DISC1: variants seen among roughly 807,000 people sequenced by gnomAD.
DISC1 encodes the protein disrupted in schizophrenia 1 protein.
DISC1 carries 57 observed loss-of-function variants against 84.5 expected under a neutral mutation model. The ratio of observed to expected loss-of-function variants is 0.67; its 90% CI spans 0.55 to 0.84. DISC1 has a LOEUF of 0.84. DISC1 is among the 40% of genes least tolerant of loss of function. The pLI is 0.00. For missense variants in DISC1, 1,000 were observed against 1,057.8 expected (o/e 0.95, Z 0.76); for synonymous variants, 411 against 415.2 (o/e 0.99, Z 0.12).
chr1:231,845,898 A>C (rs890914257), intron 9 of DISC1, among the ~76,000 whole-genome samples: 18 of 152,060 alleles, frequency 1.2e-4, no homozygotes, highest in Non-Finnish European at 7.4e-5. Context: ...TGGTGAGACC[A>C]AGGACCCAGA....
intron 5 of DISC1, among the ~76,000 whole-genome samples, chr1:231,768,061 C>G (rs954299114): frequency 6.6e-6 from 1 of 152,102 alleles, no homozygotes; most frequent in Non-Finnish European, 1.5e-5. Context: ...TGCAAGTTGG[C>G]TAAGAATCAT....
intron 1 of DISC1, among the ~76,000 whole-genome samples, chr1:231,653,834 A>C (rs1329304234): frequency 7.9e-5 from 12 of 152,138 alleles, no homozygotes; most frequent in African/African-American, 2.9e-4. Context: ...ACTAGAAGAG[A>C]ATAAAGTTAT....
chr1:231,714,457 T>C (rs1285430101), intron 3 of DISC1, among the ~76,000 whole-genome samples: 1 of 152,172 alleles, frequency 6.6e-6, no homozygotes, highest in Non-Finnish European at 1.5e-5. Context: ...AACTGTGCAA[T>C]GATTATGGAT....
At chr1:231,651,285 C>A (rs938668740) in intron 1 of DISC1, among the ~76,000 whole-genome samples, 1 of 152,172 alleles carries the variant, frequency 6.6e-6, no homozygotes, top group African/African-American at 2.4e-5. Flanking sequence ...TGATGCTATT[C>A]CTTTCTGTTT....
intron 9 of DISC1, among the ~76,000 whole-genome samples, chr1:231,904,662 C>T (rs2088487800): frequency 1.3e-5 from 2 of 152,138 alleles, no homozygotes; most frequent in Non-Finnish European, 2.9e-5. Flanking sequence ...AATGACATCC[C>T]AAGAACAATG....
chr1:231,934,203 C>A (rs1429346579), intron 9 of DISC1, among the ~76,000 whole-genome samples: 2 of 152,180 alleles, frequency 1.3e-5, no homozygotes, highest in East Asian at 3.8e-4. Context: ...GTTAGACACA[C>A]CCTTTGCTTC....
chr1:231,899,083 C>T (rs199986999), intron 9 of DISC1, among the ~76,000 whole-genome samples: 19 of 151,896 alleles, frequency 1.3e-4, no homozygotes, highest in Non-Finnish European at 2.2e-4. Context: ...ACACTGACTA[C>T]TCAGTGTGGA....
chr1:231,757,707 A>G (rs1168068112), intron 4 of DISC1, among the ~76,000 whole-genome samples: 1 of 152,156 alleles, frequency 6.6e-6, no homozygotes, highest in African/African-American at 2.4e-5. Context: ...AAGTTCATGT[A>G]TCTTTGCCAC....
chr1:231,875,196 A>C (rs2085785894), intron 9 of DISC1, among the ~76,000 whole-genome samples: 1 of 152,172 alleles, frequency 6.6e-6, no homozygotes, highest in African/African-American at 2.4e-5. Flanking sequence ...TAATGTTTGG[A>C]GTAGATGATC....
At position 232,026,762 on chromosome 1, in the gene DISC1, C is replaced by CTT. The variant is rs545455868; in HGVS notation, c.2425+231_2425+232dup. Reference sequence around the variant, plus strand: ...CAATTCAGTATTTTTTTTCTTTTTTCTTTTTTTTTTTTTTTTTTTTTTGAT... The same window carrying CTT: ...CAATTCAGTATTTTTTTTCTTTTTTCTTTTTTTTTTTTTTTTTTTTTTTTGAT... On this transcript the variant is annotated intron_variant, in intron 12 of 12. Coordinates refer to ENST00000439617, the MANE Select transcript of DISC1 (RefSeq NM_018662.3). Among the ~76,000 whole-genome samples the CTT allele has an allele frequency of 1.5e-3, 161 of 110,828 alleles. 2 individuals carry two copies. Among genetic ancestry groups the CTT allele is most frequent in the Non-Finnish European group, 2.1e-3 (117 of 55,508 alleles). 72.7% of individuals were successfully genotyped at this position (110,828 alleles called of 152,430 possible). A position where few individuals can be genotyped will look rare whatever the true frequency, so the allele number is the denominator to read the frequency against.
At chr1:231,907,107 T>TCCCTCCCTTCCTTCCCTCC (rs2088765510) in intron 9 of DISC1, among the ~76,000 whole-genome samples, 5 of 31,306 alleles carry the variant, frequency 1.6e-4, no homozygotes, top group African/African-American at 6.8e-4. Flanking sequence ...TCCTTCCTTC[T>TCCCTCCCTTCCTTCCCTCC]CTCCTTCCTT....
intron 9 of DISC1, among the ~76,000 whole-genome samples, chr1:231,911,752 A>G (rs1021938598): frequency 6.6e-6 from 1 of 152,162 alleles, no homozygotes; most frequent in African/African-American, 2.4e-5. Context: ...TCTCCTGGAT[A>G]ATATCCTGCA....
At chr1:231,837,924 A>G (rs2082737482) in intron 9 of DISC1, among the ~76,000 whole-genome samples, 2 of 152,212 alleles carry the variant, frequency 1.3e-5, no homozygotes, top group African/African-American at 4.8e-5. Flanking sequence ...ACTTCTTTGT[A>G]TGAATGCCCT....
chr1:231,904,586 T>A (rs2088478018), intron 9 of DISC1, among the ~76,000 whole-genome samples: 1 of 152,182 alleles, frequency 6.6e-6, no homozygotes. Context: ...ATCAAGGCAG[T>A]GTGTATATGT....
chr1:231,867,923 A>G (rs1332666021), intron 9 of DISC1, among the ~76,000 whole-genome samples: 3 of 152,228 alleles, frequency 2.0e-5, no homozygotes, highest in South Asian at 2.1e-4. Flanking sequence ...AAACCTGGCT[A>G]TTCGCAAGGG....
chr1:231,950,204 C>CTGTG (rs59801477), intron 9 of DISC1, among the ~76,000 whole-genome samples: 12,431 of 139,378 alleles, frequency 0.089, 764 homozygotes, highest in African/African-American at 0.18. Context: ...AAAAAAAATT[C>CTGTG]TGTGTGTGTG....
intron 9 of DISC1, among the ~76,000 whole-genome samples, chr1:231,941,620 A>G (rs78717202): frequency 1.3e-5 from 2 of 149,458 alleles, no homozygotes; most frequent in African/African-American, 4.9e-5. Context: ...CTACAGGTGC[A>G]CGCCACCATG....
chr1:231,727,966 G>T lies in DISC1; in HGVS notation c.1118-21960G>T, dbSNP rs138938696. Among the ~76,000 whole-genome samples the T allele has an allele frequency of 2.6e-3, 401 of 151,910 alleles. 2 individuals are homozygous for T. Among genetic ancestry groups the T allele is most frequent in the East Asian group, 0.011 (59 of 5,162 alleles). ...ACTCTGTCTAAAAAAAAAAGGAGGG[G>T]TAGGGGGGTGGTAAGAAAAAACCCT... is the stretch of plus-strand genomic sequence containing the variant. On this transcript the variant is annotated intron_variant, in intron 3 of 12. Transcript: ENST00000439617.
At chr1:231,962,718 A>C (rs1208194468) in intron 10 of DISC1, among the ~76,000 whole-genome samples, 2 of 152,162 alleles carry the variant, frequency 1.3e-5, no homozygotes, top group African/African-American at 4.8e-5. Context: ...TGAGCCAGGA[A>C]TTGTAGATGA....
Sources: allele counts gnomAD v4.1 joint callset (sites outside exome capture counted in the v4.1 genomes callset), GRCh38; gene constraint gnomAD v4.1.1; transcripts MANE v1.5; gene names NCBI Gene and HGNC (gene_info 2026-07-23, HGNC 2026-07-21).